CDR2: variants seen among roughly 807,000 people sequenced by gnomAD.
The protein encoded by CDR2 is cerebellar degeneration related protein 2.
Under a neutral mutation model 48.4 loss-of-function variants are expected in CDR2, and 34 were observed. The ratio of observed to expected loss-of-function variants is 0.70; its 90% confidence interval spans 0.53 to 0.94. The LOEUF is 0.94. Ranked by LOEUF, CDR2 falls within the 40% of genes least tolerant of loss-of-function variation. The pLI, the probability that CDR2 is intolerant of heterozygous loss-of-function variation, is 0.00. For synonymous variants in CDR2, 240 were observed against 219.7 expected (o/e 1.09, Z -0.82); for missense variants, 498 against 549.5 (o/e 0.91, Z 0.94).
rs543488308 is a variant in CDR2 at position 22,372,478 on chromosome 16, G to T, written c.79+1753C>A. 2.0e-5 allele frequency among the ~76,000 whole-genome samples: 3 copies of T among 152,248 alleles called. No individual in the cohort carries two copies. The South Asian group carries it at 6.2e-4, about 32-fold the overall frequency. ...CTGGAAACACAAGAAAAAAGAACCT[G>T]CCCCCTCTATGCCCTTAAAGATTAA... is the stretch of plus-strand genomic sequence containing the variant. On this transcript the variant is annotated intron_variant, in intron 1 of 4. Coordinates refer to ENST00000268383, the MANE Select transcript of CDR2 (RefSeq NM_001802.2).
rs533126246 is a variant in CDR2, at chr16:22,358,771, T to C, written c.192+6131A>G. Among the ~76,000 whole-genome samples, 160 of 152,292 alleles carry C rather than the reference T, an allele frequency of 1.1e-3. 1 individual carries two copies. The highest frequency in any genetic ancestry group is 3.5e-3 in the African/African-American group (144 of 41,562). ...TGAAATATATTTCCCCTGTAGAAAT[T>C]TGGTGGCGGGAGGCATGAACATGAA... On this transcript the variant is annotated intron_variant, in intron 2 of 4. Transcript: ENST00000268383.
intron 4 of CDR2, 101 bp from the exon 5 acceptor site, chr16:22,347,924 G>T: frequency 1.8e-6 from 2 of 1,122,842 alleles, no homozygotes; most frequent in Non-Finnish European, 2.5e-6. Context: ...TTGAGGAGCT[G>T]TGACAGTGAC....
chr16:22,373,924 G>A (rs1447201810), intron 1 of CDR2, among the ~76,000 whole-genome samples: 1 of 152,220 alleles, frequency 6.6e-6, no homozygotes, highest in African/African-American at 2.4e-5. Context: ...GGTCTGCCTC[G>A]GAGGAATGCA....
Position 22,349,830 on chromosome 16 carries a change from T to G in CDR2, c.212A>C (p.Glu71Ala). 2 of 1,614,158 alleles carry G rather than the reference T, an allele frequency of 1.2e-6. No homozygotes were observed. Among genetic ancestry groups the G allele is most frequent in the South Asian group, 1.1e-5 (1 of 91,090 alleles). The part of the protein sequence containing the change: ...QEIEYLTKQV[E>A]LLRQMNEQHA... ...TTGTTCGTTCATCTGCCGTAGAAGT[T>G]CCACTTGCTTCGTCAGATACTGTAA... The change falls in exon 3 of 5, where the codon GAA becomes GCA. Residue 71 changes from glutamate to alanine, a missense_variant. Transcript: ENST00000268383.
chr16:22,359,632 G>C (rs1355900728), intron 2 of CDR2, among the ~76,000 whole-genome samples: 1 of 152,044 alleles, frequency 6.6e-6, no homozygotes, highest in African/African-American at 2.4e-5. Context: ...TTCCATAACG[G>C]AGCAAAGAGA....
At chr16:22,350,454 G>T (rs1033032050) in intron 2 of CDR2, among the ~76,000 whole-genome samples, 1 of 152,160 alleles carries the variant, frequency 6.6e-6, no homozygotes, top group African/African-American at 2.4e-5. Flanking sequence ...GTGGGGCTGG[G>T]ACTGATAGAT....
intron 4 of CDR2, among the ~76,000 whole-genome samples, chr16:22,348,749 T>A (rs907817702): frequency 6.6e-6 from 1 of 152,218 alleles, no homozygotes. Context: ...CTGAAGCACC[T>A]TGACTATTTA....
chr16:22,353,098 T>A (rs1173846672), intron 2 of CDR2, among the ~76,000 whole-genome samples: 1 of 152,210 alleles, frequency 6.6e-6, no homozygotes, highest in East Asian at 1.9e-4. Flanking sequence ...CAAGTATAAA[T>A]TATCAAGTAT....
intron 1 of CDR2, among the ~76,000 whole-genome samples, chr16:22,365,381 G>A (rs1567349107): frequency 6.6e-6 from 1 of 152,192 alleles, no homozygotes; most frequent in East Asian, 1.9e-4. Context: ...CAAGGTATAG[G>A]TGGAGCTTTC....
At chr16:22,349,168 AAT>A in intron 4 of CDR2, 109 bp downstream of exon 4, 1 of 1,121,678 alleles carries the variant, frequency 8.9e-7, no homozygotes, top group Non-Finnish European at 1.3e-6. Context: ...ATGGTAGCTT[AAT>A]AGCTAAGTGA....
At chr16:22,352,841 C>A (rs576221655) in intron 2 of CDR2, among the ~76,000 whole-genome samples, 1 of 152,314 alleles carries the variant, frequency 6.6e-6, no homozygotes, top group South Asian at 2.1e-4. Flanking sequence ...TGCCTCAACT[C>A]CCACCAGCTT....
intron 2 of CDR2, among the ~76,000 whole-genome samples, chr16:22,356,683 G>A (rs2048975940): frequency 6.6e-6 from 1 of 152,126 alleles, no homozygotes; most frequent in African/African-American, 2.4e-5. Flanking sequence ...AACCCAGGAG[G>A]TGGAGGTTGC....
chr16:22,374,409 CCTCGGGCGGGACGCG>C lies in CDR2; in HGVS notation c.-115_-101del. 1.5e-6 allele frequency: 1 copy of C among 645,828 alleles called. No individual in the cohort carries two copies. The highest frequency in any genetic ancestry group is 2.3e-6 in the Non-Finnish European group (1 of 427,962). 40.0% of individuals were successfully genotyped at this position (645,828 alleles called of 1,614,324 possible). A position where few individuals can be genotyped will look rare whatever the true frequency, so the allele number is the denominator to read the frequency against. On this transcript the variant is annotated 5_prime_UTR_variant, in exon 1 of 5. Transcript: ENST00000268383. ...CCCCTCCGCCCTCAGCCAGAGCCGC[CCTCGGGCGGGACGCG>C]CCGCCGCCCAGACTCCGCTGCGCCG...
intron 3 of CDR2, 111 bp from the exon 4 acceptor site, chr16:22,349,554 G>C: frequency 7.1e-7 from 1 of 1,416,618 alleles, no homozygotes; most frequent in Non-Finnish European, 9.7e-7. Context: ...TAATTGGAAA[G>C]GATGTCTATT....
At chr16:22,368,361 C>G (rs896158904) in intron 1 of CDR2, among the ~76,000 whole-genome samples, 4 of 152,094 alleles carry the variant, frequency 2.6e-5, no homozygotes, top group African/African-American at 9.7e-5. Context: ...AGGCACCCAC[C>G]ACCACACCTG....
intron 2 of CDR2, among the ~76,000 whole-genome samples, chr16:22,360,706 C>T (rs190647578): frequency 3.3e-4 from 45 of 137,530 alleles, no homozygotes; most frequent in Non-Finnish European, 3.2e-4. Context: ...TTTTGTTCTT[C>T]AACTATATAT....
At chr16:22,371,917 G>A (rs981017569) in intron 1 of CDR2, among the ~76,000 whole-genome samples, 25 of 151,812 alleles carry the variant, frequency 1.6e-4, no homozygotes, top group Admixed American at 6.6e-4. Context: ...TGTCATCCAG[G>A]CTGGAGTGCA....
intron 2 of CDR2, among the ~76,000 whole-genome samples, chr16:22,358,238 T>A (rs1776906626): frequency 6.6e-6 from 1 of 152,138 alleles, no homozygotes; most frequent in Non-Finnish European, 1.5e-5. Context: ...TTCTCTTTGA[T>A]ACACAGCCTC....
At position 22,347,294 on chromosome 16, in the gene CDR2, G is replaced by T; in HGVS notation, c.1036C>A (p.Leu346Met). Residue 346 changes from leucine (L) to methionine (M), a missense_variant, in exon 5 of 5, where the codon CTG becomes ATG. Transcript: ENST00000268383. The stretch of plus-strand genomic sequence containing the variant: ...CTGTACTGCGTGTCCACTTCGTGCA[G>T]AAGGGAGATGCCCCTCTGTTTCACA... ...KAVKQRGISLLHEVDTQYSAL... is the reference protein window; with the variant it reads ...KAVKQRGISLMHEVDTQYSAL... 6.2e-7 allele frequency: 1 copy of T among 1,614,244 alleles called. No homozygotes were observed. The highest frequency in any genetic ancestry group is 8.5e-7 in the Non-Finnish European group (1 of 1,180,042).
Sources: gnomAD v4.1 joint callset for allele counts (sites outside exome capture counted in the v4.1 genomes callset) on GRCh38, gnomAD v4.1.1 for gene constraint, MANE v1.5 for transcripts, NCBI Gene and HGNC (gene_info 2026-07-23, HGNC 2026-07-21) for gene names.